MCM8: variants seen among roughly 807,000 people sequenced by gnomAD.
MCM8 encodes the protein DNA helicase MCM8.
Under a neutral mutation model 98.9 loss-of-function variants are expected in MCM8, and 85 were observed. The ratio of observed to expected loss-of-function variants is 0.86; its 90% CI spans 0.72 to 1.03. The LOEUF is 1.03. Ranked by LOEUF, MCM8 falls within the 50% of genes least tolerant of loss-of-function variation. The pLI is 0.00. For missense variants in MCM8, 951 were observed against 997.8 expected, an observed-to-expected ratio of 0.95 and a Z score of 0.63; for synonymous variants, 352 against 338.6, an observed-to-expected ratio of 1.04 and a Z score of -0.44.
Position 5,996,507 on chromosome 20 carries a change from CTCTT to C in MCM8, c.*2120_*2123del, listed in dbSNP as rs1052899582. On this transcript the variant is annotated 3_prime_UTR_variant, in exon 19 of 19. Transcript: ENST00000610722. ...CTCCAGCCTGGGCAACAGAGTGAGA[CTCTT>C]TCTCCAAACTAAATAAGAGATATTT... 1.1e-4 allele frequency: 16 copies of C among 151,802 alleles called. No individual in the cohort carries two copies. Among genetic ancestry groups the C allele is most frequent in the African/African-American group, 3.6e-4 (15 of 41,462 alleles). 9.4% of individuals were successfully genotyped at this position (151,802 alleles called of 1,614,324 possible).
chr20:5,998,390 A>G lies in MCM8; in HGVS notation c.*3999A>G. On this transcript the variant is annotated 3_prime_UTR_variant, in exon 19 of 19. Transcript: ENST00000610722. ...GGAATGCAGAACTGAGGAGAGAGCC[A>G]TCTTCCTCTTGCTTGTGTTCTGGTG... 6.6e-6 allele frequency: 1 copy of G among 152,252 alleles called. No individual in the cohort carries two copies. Among genetic ancestry groups the G allele is most frequent in the East Asian group, 1.9e-4 (1 of 5,202 alleles). The allele number at this position is 152,252 out of a possible 1,614,324, so 9.4% of individuals were successfully genotyped here. A position where few individuals can be genotyped will look rare whatever the true frequency, so the allele number is the denominator to read the frequency against.
At chr20:5,994,264 C>T (rs1441930616) in intron 18 of MCM8, 35 bp from the exon 19 acceptor site, 2 of 1,266,516 alleles carry the variant, frequency 1.6e-6, no homozygotes, top group South Asian at 1.3e-5. Context: ...TGACATGTTA[C>T]TTAATGGGCT....
At position 5,958,733 on chromosome 20, in the gene MCM8, C is replaced by T. The variant is rs966279624; in HGVS notation, c.789+7C>T. The T allele has an allele frequency of 1.1e-5, 17 of 1,609,946 alleles. No individual in the cohort carries two copies. The highest frequency in any genetic ancestry group is 6.7e-5 in the African/African-American group (5 of 74,706). ...ATACAGTCTTCCCACAAAGGTAATA[C>T]GTTCTTTAACTGCTTCTTTATTTAT... On this transcript the variant is annotated splice_region_variant and intron_variant, in intron 7 of 18. Transcript: ENST00000610722.
Position 5,998,052 on chromosome 20 carries a change from A to G in MCM8, c.*3661A>G, listed in dbSNP as rs931963523. The G allele has an allele frequency of 2.0e-5, 3 of 152,250 alleles. No homozygotes were observed. The highest frequency in any genetic ancestry group is 2.9e-5 in the Non-Finnish European group (2 of 68,046). 9.4% of individuals were successfully genotyped at this position (152,250 alleles called of 1,614,324 possible). A position where few individuals can be genotyped will look rare whatever the true frequency, so the allele number is the denominator to read the frequency against. ...CTCTCCTTTGATAAAGAAGGGAAATATCGTACTTACATTAGCATGTTATAG... is the reference window on the plus strand; with the variant it reads ...CTCTCCTTTGATAAAGAAGGGAAATGTCGTACTTACATTAGCATGTTATAG... On this transcript the variant is annotated 3_prime_UTR_variant, in exon 19 of 19. Coordinates refer to ENST00000610722, the MANE Select transcript of MCM8 (RefSeq NM_032485.6).
intron 3 of MCM8, 24 bp from the exon 4 acceptor site, chr20:5,954,584 C>G: frequency 7.2e-7 from 1 of 1,393,714 alleles, no homozygotes; most frequent in Non-Finnish European, 1.0e-6. Flanking sequence ...ATTATTTGTG[C>G]TAATGCCATA....
chr20:5,964,942 T>C (rs2089242387), intron 8 of MCM8, among the ~76,000 whole-genome samples: 1 of 152,260 alleles, frequency 6.6e-6, no homozygotes, highest in African/African-American at 2.4e-5. Flanking sequence ...TACATAACTT[T>C]AGATACCATT....
At chr20:5,971,320 G>T (rs236102) in intron 10 of MCM8, among the ~76,000 whole-genome samples, 33,378 of 152,100 alleles carry the variant, frequency 0.22, 5,122 homozygotes, top group African/African-American at 0.44. Flanking sequence ...AAACCTGTTA[G>T]CCAAAGCTTC....
At chr20:5,966,251 G>A (rs1368778591) in intron 8 of MCM8, among the ~76,000 whole-genome samples, 7 of 151,936 alleles carry the variant, frequency 4.6e-5, no homozygotes, top group African/African-American at 1.5e-4. Flanking sequence ...TCTCTATCCT[G>A]CTTGATTGGC....
chr20:5,964,960 C>A (rs2089242600), intron 8 of MCM8, among the ~76,000 whole-genome samples: 1 of 152,176 alleles, frequency 6.6e-6, no homozygotes, highest in South Asian at 2.1e-4. Flanking sequence ...ATTCTTGTGT[C>A]TTTCATCCTT....
At chr20:5,984,288 C>T (rs2089687121) in intron 14 of MCM8, among the ~76,000 whole-genome samples, 1 of 152,090 alleles carries the variant, frequency 6.6e-6, no homozygotes, top group Non-Finnish European at 1.5e-5. Flanking sequence ...GTGAAATACA[C>T]AATGTGTACT....
chr20:5,991,877 C>T (rs950147510), intron 17 of MCM8, among the ~76,000 whole-genome samples: 1 of 125,248 alleles, frequency 8.0e-6, no homozygotes, highest in Non-Finnish European at 1.8e-5. Flanking sequence ...GTTTTCATCT[C>T]TTCAGCTTCG....
At chr20:5,970,780 A>T (rs563463001) in intron 10 of MCM8, among the ~76,000 whole-genome samples, 1 of 152,316 alleles carries the variant, frequency 6.6e-6, no homozygotes, top group Non-Finnish European at 1.5e-5. Flanking sequence ...TATAAAATTG[A>T]CAAATGTAAA....
chr20:5,956,699 A>T (rs756063413), intron 5 of MCM8, among the ~76,000 whole-genome samples: 16 of 152,138 alleles, frequency 1.1e-4, no homozygotes, highest in Non-Finnish European at 2.1e-4. Context: ...CAGCGTGTTT[A>T]TATTATTTAA....
At chr20:5,956,426 A>G (rs909484742) in intron 5 of MCM8, among the ~76,000 whole-genome samples, 6 of 151,944 alleles carry the variant, frequency 3.9e-5, no homozygotes, top group African/African-American at 4.8e-5. Flanking sequence ...TTTGTTGTTT[A>G]TTTATTTATT....
intron 7 of MCM8, 117 bp from the exon 8 acceptor site, chr20:5,963,157 T>C (rs2089190602): frequency 1.4e-6 from 1 of 717,364 alleles, no homozygotes; most frequent in Non-Finnish European, 2.4e-6. Flanking sequence ...TTTACTTTAC[T>C]AGCATCCTGA....
At chr20:5,975,981 G>A (rs2089503020) in intron 12 of MCM8, among the ~76,000 whole-genome samples, 1 of 151,876 alleles carries the variant, frequency 6.6e-6, no homozygotes, top group Admixed American at 6.6e-5. Flanking sequence ...ATCCTGAATA[G>A]AGTATGGCAT....
At chr20:5,992,276 G>C (rs1444299639) in intron 17 of MCM8, among the ~76,000 whole-genome samples, 3 of 152,010 alleles carry the variant, frequency 2.0e-5, no homozygotes, top group African/African-American at 7.2e-5. Flanking sequence ...AGCATAGGTT[G>C]GTGCAAAAGT....
rs2089983835 is a variant in MCM8 at position 5,998,321 on chromosome 20, A to C, written c.*3930A>C. The C allele has an allele frequency of 6.6e-6, 1 of 152,174 alleles. No homozygotes were observed. The highest frequency in any genetic ancestry group is 2.1e-4 in the South Asian group (1 of 4,832). 9.4% of individuals were successfully genotyped at this position (152,174 alleles called of 1,614,324 possible). A position where few individuals can be genotyped will look rare whatever the true frequency, so the allele number is the denominator to read the frequency against. On this transcript the variant is annotated 3_prime_UTR_variant, in exon 19 of 19. Coordinates refer to ENST00000610722, the MANE Select transcript of MCM8 (RefSeq NM_032485.6). ...ACTCCCTTTGCAGGTAGATTTCCAGATGTGAATTGGGTTCCACTGATCAGA... is the reference window on the plus strand; with the variant it reads ...ACTCCCTTTGCAGGTAGATTTCCAGCTGTGAATTGGGTTCCACTGATCAGA...
At chr20:5,966,653 G>A (rs539026847) in intron 8 of MCM8, among the ~76,000 whole-genome samples, 23 of 152,266 alleles carry the variant, frequency 1.5e-4, no homozygotes, top group African/African-American at 5.3e-4. Flanking sequence ...AATTTTTTAG[G>A]TAGTAGTTTT....
Sources: gnomAD v4.1 joint callset for allele counts (sites outside exome capture counted in the v4.1 genomes callset) on GRCh38, gnomAD v4.1.1 for gene constraint, MANE v1.5 for transcripts, NCBI Gene and HGNC (gene_info 2026-07-23, HGNC 2026-07-21) for gene names.